SERPINB7: variants seen among roughly 807,000 people sequenced by gnomAD.
The protein encoded by SERPINB7 is serpin B7.
In SERPINB7, 31 loss-of-function variants were observed where a neutral mutation model predicts 37.4. The observed-to-expected ratio is 0.83, with a 90% CI of 0.62 to 1.12. The LOEUF (loss-of-function observed/expected upper bound fraction) is 1.12. Ranked by LOEUF, SERPINB7 falls within the 50% of genes most tolerant of loss-of-function variation. The probability of loss-of-function intolerance (pLI) is 0.00; values close to 1 mark genes in which losing one functional copy is unlikely to be tolerated. For missense variants in SERPINB7, 521 were observed against 455.3 expected, an observed-to-expected ratio of 1.14 and a Z score of -1.31; for synonymous variants, 163 against 166.1, an observed-to-expected ratio of 0.98 and a Z score of 0.14.
intron 2 of SERPINB7, among the ~76,000 whole-genome samples, chr18:63,790,992 C>A (rs1195788842): frequency 2.0e-5 from 3 of 152,144 alleles, no homozygotes; most frequent in Non-Finnish European, 4.4e-5. Flanking sequence ...TTTGCAGGGA[C>A]ATGGATGAAG....
chr18:63,755,088 T>C (rs993325815), intron 1 of SERPINB7, among the ~76,000 whole-genome samples: 2 of 151,734 alleles, frequency 1.3e-5, no homozygotes, highest in Non-Finnish European at 2.9e-5. Context: ...TTTTTTTTAG[T>C]AGAGACGGGG....
intron 1 of SERPINB7, among the ~76,000 whole-genome samples, chr18:63,758,950 TC>T (rs1182220874): frequency 6.6e-6 from 1 of 152,224 alleles, no homozygotes. Context: ...TAAAGGGATG[TC>T]AAGCCTTGAG....
intron 4 of SERPINB7, among the ~76,000 whole-genome samples, chr18:63,794,708 A>G (rs902529273): frequency 1.5e-5 from 2 of 133,340 alleles, no homozygotes; most frequent in Non-Finnish European, 3.2e-5. Context: ...AAAAACAAAT[A>G]AACAAAAAAA....
At chr18:63,765,988 G>A (rs1443467961) in intron 1 of SERPINB7, among the ~76,000 whole-genome samples, 1 of 152,106 alleles carries the variant, frequency 6.6e-6, no homozygotes, top group Non-Finnish European at 1.5e-5. Flanking sequence ...TAATACCTTT[G>A]TTCTTTCCTT....
chr18:63,778,830 A>G (rs1282952899), intron 1 of SERPINB7, among the ~76,000 whole-genome samples: 1 of 152,164 alleles, frequency 6.6e-6, no homozygotes, highest in African/African-American at 2.4e-5. Context: ...GGACTTTTAG[A>G]CCCTCAAGTC....
chr18:63,753,059 G>A (rs2049101354), exon 1 of SERPINB7: 2 of 152,902 alleles, frequency 1.3e-5, no homozygotes, highest in Admixed American at 1.3e-4. Context: ...GAAGTCTTAG[G>A]AGGTAGGAGG....
At chr18:63,796,010 A>G (rs1284474246) in intron 4 of SERPINB7, among the ~76,000 whole-genome samples, 1 of 152,168 alleles carries the variant, frequency 6.6e-6, no homozygotes, top group Non-Finnish European at 1.5e-5. Flanking sequence ...GGCTTTATCC[A>G]TTCTCTATTA....
At chr18:63,804,144 CGATA>C in intron 7 of SERPINB7, 89 bp from the exon 8 acceptor site, 2 of 914,326 alleles carry the variant, frequency 2.2e-6, no homozygotes, top group Non-Finnish European at 3.2e-6. Context: ...ATCCAGGAAG[CGATA>C]ATTATAGAAA....
At chr18:63,755,026 A>C (rs1290616734) in intron 1 of SERPINB7, among the ~76,000 whole-genome samples, 1 of 151,492 alleles carries the variant, frequency 6.6e-6, no homozygotes, top group Non-Finnish European at 1.5e-5. Flanking sequence ...CAGCCTCCCG[A>C]GTAGCTGGGA....
At chr18:63,784,914 C>T (rs564009253) in intron 2 of SERPINB7, among the ~76,000 whole-genome samples, 13 of 152,268 alleles carry the variant, frequency 8.5e-5, no homozygotes, top group African/African-American at 3.1e-4. Context: ...GTCTGGTACA[C>T]CTTCTGAAGT....
chr18:63,754,661 A>G (rs2049110274), intron 1 of SERPINB7, among the ~76,000 whole-genome samples: 1 of 152,106 alleles, frequency 6.6e-6, no homozygotes, highest in Non-Finnish European at 1.5e-5. Flanking sequence ...AGACCTTGCT[A>G]GTCTCTCTCC....
At chr18:63,785,149 A>G (rs886532591) in intron 2 of SERPINB7, among the ~76,000 whole-genome samples, 2 of 152,250 alleles carry the variant, frequency 1.3e-5, no homozygotes, top group African/African-American at 2.4e-5. Flanking sequence ...CATCTAATTT[A>G]TCTGCACACA....
At chr18:63,756,521 A>G (rs945743467) in intron 1 of SERPINB7, among the ~76,000 whole-genome samples, 6 of 152,176 alleles carry the variant, frequency 3.9e-5, no homozygotes, top group South Asian at 2.1e-4. Flanking sequence ...CCAGTCTCTT[A>G]TTAAAGGTTT....
At position 63,796,311 on chromosome 18, in the gene SERPINB7, C is replaced by T. The variant is rs1433891736; in HGVS notation, c.382C>T (p.Arg128Ter). The change falls in exon 5 of 8, where the codon CGA becomes TGA. Residue 128 changes from arginine to a stop codon, truncating the protein, a stop_gained. Coordinates refer to ENST00000398019, the MANE Select transcript of SERPINB7 (RefSeq NM_003784.4). LOFTEE classifies it high-confidence loss of function. ...AEKLYDAKVE[R>*]VDFTNHLEDT... Reference sequence around the variant, plus strand: ...AAAATTATACGATGCCAAAGTGGAGCGAGTTGACTTTACGAATCATTTAGA... The same window carrying T: ...AAAATTATACGATGCCAAAGTGGAGTGAGTTGACTTTACGAATCATTTAGA... 11 of 1,612,764 alleles carry T rather than the reference C, an allele frequency of 6.8e-6. No individual in the cohort carries two copies. The highest frequency in any genetic ancestry group is 6.7e-5 in the East Asian group (3 of 44,812).
At chr18:63,773,168 T>G (rs138703930), upstream of SERPINB7, among the ~76,000 whole-genome samples, 1,678 of 152,198 alleles carry the variant, frequency 0.011, 34 homozygotes, top group Admixed American at 0.055. Context: ...TGATAGAATC[T>G]GCAATTAAGC....
chr18:63,797,145 A>G (rs1169581021), intron 5 of SERPINB7, among the ~76,000 whole-genome samples: 1 of 152,192 alleles, frequency 6.6e-6, no homozygotes, highest in Admixed American at 6.5e-5. Context: ...AACCAATTCC[A>G]AAGCTAGTAG....
intron 1 of SERPINB7, among the ~76,000 whole-genome samples, chr18:63,762,955 G>A (rs1238037674): frequency 6.6e-6 from 1 of 152,140 alleles, no homozygotes; most frequent in East Asian, 1.9e-4. Flanking sequence ...TGTGGATTAA[G>A]ACGTAGATGA....
chr18:63,778,943 G>T (rs1054636084), intron 1 of SERPINB7, among the ~76,000 whole-genome samples: 2 of 152,102 alleles, frequency 1.3e-5, no homozygotes, highest in Non-Finnish European at 1.5e-5. Context: ...AAATATTTAT[G>T]CAAGAAACAT....
intron 2 of SERPINB7, among the ~76,000 whole-genome samples, chr18:63,786,267 T>G (rs1173782049): frequency 1.5e-5 from 2 of 137,358 alleles, no homozygotes; most frequent in African/African-American, 5.8e-5. Context: ...TCCTTTGAAA[T>G]GCATTATTTT....
Sources: gnomAD v4.1 joint callset for allele counts (sites outside exome capture counted in the v4.1 genomes callset) on GRCh38, gnomAD v4.1.1 for gene constraint, MANE v1.5 for transcripts, NCBI Gene and HGNC (gene_info 2026-07-23, HGNC 2026-07-21) for gene names.